The following TLN2 variants were observed in gnomAD, a reference collection of about 807,000 sequenced individuals.
The protein encoded by TLN2 is talin-2.
Under a neutral mutation model 294.7 loss-of-function variants are expected in TLN2, and 118 were observed. The ratio of observed to expected loss-of-function variants is 0.40; its 90% CI spans 0.34 to 0.47. The LOEUF (loss-of-function observed/expected upper bound fraction) is 0.47. Ranked by LOEUF, TLN2 falls within the 20% of genes least tolerant of loss-of-function variation. The pLI is 0.84. For synonymous variants in TLN2, 1,431 were observed against 1,304.5 expected, an observed-to-expected ratio of 1.10 and a Z score of -2.09; for missense variants, 3,083 against 3,282.2, an observed-to-expected ratio of 0.94 and a Z score of 1.48.
intron 1 of TLN2, among the ~76,000 whole-genome samples, chr15:62,572,825 C>G (rs559604204): frequency 6.5e-4 from 99 of 152,010 alleles, no homozygotes; most frequent in African/African-American, 2.3e-3. Context: ...GCACCTGACC[C>G]CCTGTTGCAT....
chr15:62,626,046 C>T (rs1156618610), intron 3 of TLN2, among the ~76,000 whole-genome samples: 1 of 152,144 alleles, frequency 6.6e-6, no homozygotes, highest in African/African-American at 2.4e-5. Context: ...CTTCCTATAC[C>T]CTTGACTTCC....
rs1240578928 is a variant in TLN2, at chr15:62,686,757, C to G, written c.1074C>G (p.Thr358=). 3.7e-6 allele frequency: 6 copies of G among 1,613,570 alleles called. No individual in the cohort carries two copies. In the African/African-American group the frequency reaches 4.0e-5, roughly 11 times the overall value. Residue 358 remains threonine, a synonymous_variant, in exon 12 of 59, where the codon ACC becomes ACG. Transcript: ENST00000636159. ...KEVLQEWPLT[T]VKRWAASPKS... ...TGCTGCAGGAGTGGCCCCTCACCAC[C>G]GTCAAGCGCTGGGCAGCCTCACCCA...
chr15:62,684,008 G>A (rs1321159705), intron 11 of TLN2: 2 of 152,366 alleles, frequency 1.3e-5, no homozygotes, highest in African/African-American at 4.8e-5. Flanking sequence ...TGCGTTTTGT[G>A]TGTAGGTGCT....
intron 1 of TLN2, among the ~76,000 whole-genome samples, chr15:62,516,467 T>C (rs2040197618): frequency 2.0e-5 from 3 of 152,234 alleles, no homozygotes; most frequent in Non-Finnish European, 4.4e-5. Flanking sequence ...ACTCTATTTG[T>C]TTTGACTACA....
At chr15:62,631,525 TC>T (rs1423346643) in intron 3 of TLN2, among the ~76,000 whole-genome samples, 27 of 58,260 alleles carry the variant, frequency 4.6e-4, no homozygotes, top group South Asian at 1.0e-3. Context: ...TTTCTTCCTT[TC>T]CTTTCCTTTC....
intron 2 of TLN2, among the ~76,000 whole-genome samples, chr15:62,610,405 A>T (rs1479710118): frequency 6.6e-6 from 1 of 152,196 alleles, no homozygotes; most frequent in Non-Finnish European, 1.5e-5. Context: ...CTATTTAAAG[A>T]TACCTTACTT....
intron 1 of TLN2, among the ~76,000 whole-genome samples, chr15:62,569,828 T>A: frequency 6.6e-6 from 1 of 152,206 alleles, no homozygotes; most frequent in East Asian, 1.9e-4. Context: ...TTAATTCAAA[T>A]GAGAAGCTAT....
At chr15:62,457,011 A>G (rs1256242739) in intron 1 of TLN2, among the ~76,000 whole-genome samples, 2 of 152,114 alleles carry the variant, frequency 1.3e-5, no homozygotes, top group South Asian at 4.1e-4. Context: ...TGCTTGACAC[A>G]CTGTTTAGTT....
chr15:62,792,911 C>G, intron 46 of TLN2, 124 bp downstream of exon 46: 1 of 1,436,418 alleles, frequency 7.0e-7, no homozygotes, highest in South Asian at 1.3e-5. Context: ...CTGTCTCATC[C>G]CGATCTTCCC....
intron 46 of TLN2, among the ~76,000 whole-genome samples, chr15:62,795,221 C>T (rs11854555): frequency 0.024 from 3,671 of 152,018 alleles, 158 homozygotes; most frequent in African/African-American, 0.083. Flanking sequence ...TCGGTGGCTG[C>T]GGGAGAGGGG....
At chr15:62,780,099 A>G (rs900569766) in intron 43 of TLN2, among the ~76,000 whole-genome samples, 1 of 152,234 alleles carries the variant, frequency 6.6e-6, no homozygotes, top group African/African-American at 2.4e-5. Flanking sequence ...AAGGTTTTCC[A>G]TAAAACAGAT....
chr15:62,688,723 C>A (rs1055196398), intron 12 of TLN2, among the ~76,000 whole-genome samples: 2 of 152,062 alleles, frequency 1.3e-5, no homozygotes, highest in Admixed American at 6.5e-5. Flanking sequence ...TCTATCTTAA[C>A]AGAGAAGTTG....
chr15:62,431,701 C>CT (rs1178305212), intron 1 of TLN2, among the ~76,000 whole-genome samples: 1 of 152,120 alleles, frequency 6.6e-6, no homozygotes, highest in Non-Finnish European at 1.5e-5. Flanking sequence ...TTAGCTTTCT[C>CT]CATTTGGAAA....
rs1049617711 is a variant in TLN2 at position 62,401,593 on chromosome 15, A to G, written c.-238+10908A>G. Among the ~76,000 whole-genome samples, 24 of 152,272 alleles carry G rather than the reference A, an allele frequency of 1.6e-4. No individual in the cohort carries two copies. In the East Asian group the frequency reaches 4.4e-3, roughly 28 times the overall value. On this transcript the variant is annotated intron_variant, in intron 1 of 58. Transcript: ENST00000636159. The stretch of plus-strand genomic sequence containing the variant: ...AGTTGGTTTGGGATGGGGCCTGGGC[A>G]TTGGTGGGTAAGTTCTCCATGTGAT...
intron 1 of TLN2, among the ~76,000 whole-genome samples, chr15:62,564,922 A>AT (rs1344562766): frequency 0.022 from 2,683 of 124,018 alleles, 23 homozygotes; most frequent in Middle Eastern, 0.035. Flanking sequence ...AAAAAAAAAA[A>AT]AAAATATATA....
At chr15:62,562,100 C>G (rs763106889) in intron 1 of TLN2, among the ~76,000 whole-genome samples, 1 of 152,134 alleles carries the variant, frequency 6.6e-6, no homozygotes, top group Non-Finnish European at 1.5e-5. Flanking sequence ...TAGATACACC[C>G]GAATCGTTTG....
intron 40 of TLN2, among the ~76,000 whole-genome samples, chr15:62,765,263 C>T (rs916592291): frequency 2.6e-5 from 4 of 151,600 alleles, no homozygotes; most frequent in East Asian, 1.9e-4. Context: ...AACCCTTGGC[C>T]GTCTTGGAAG....
rs141199485 is a variant in TLN2, at chr15:62,555,821, G to A, written c.-237-33866G>A. On this transcript the variant is annotated intron_variant, in intron 1 of 58. Coordinates refer to ENST00000636159, the MANE Select transcript of TLN2 (RefSeq NM_015059.3). ...GCTTTCTATACTCTCCTGTTCTAGT[G>A]ATAATAGAATATGTCTATTTTCATA... Among the ~76,000 whole-genome samples, 81 of 152,022 alleles carry A rather than the reference G, an allele frequency of 5.3e-4. 2 individuals are homozygous for A. Among genetic ancestry groups the A allele is most frequent in the African/African-American group, 1.8e-3 (76 of 41,488 alleles).
chr15:62,735,524 C>G (rs1185068695), intron 28 of TLN2, among the ~76,000 whole-genome samples: 1 of 152,142 alleles, frequency 6.6e-6, no homozygotes, highest in Non-Finnish European at 1.5e-5. Flanking sequence ...AAGTTAAAAC[C>G]TCATTGAGAT....
Sources: allele counts gnomAD v4.1 joint callset (sites outside exome capture counted in the v4.1 genomes callset), GRCh38; gene constraint gnomAD v4.1.1; transcripts MANE v1.5; gene names NCBI Gene and HGNC (gene_info 2026-07-23, HGNC 2026-07-21).